Variants in MED13L observed in about 807,000 individuals in gnomAD.
MED13L encodes the protein mediator of RNA polymerase II transcription subunit 13-like.
Under a neutral mutation model 220.9 loss-of-function variants are expected in MED13L, and 7 were observed. That is an observed-to-expected ratio of 0.03 (90% confidence interval 0.02 to 0.06). The LOEUF is 0.06. MED13L is among the 10% of genes least tolerant of loss of function. The pLI is 1.00. For missense variants in MED13L, 1,965 were observed against 2,760.5 expected (o/e 0.71, Z 6.46); for synonymous variants, 1,011 against 1,015.2 (o/e 1.00, Z 0.08).
intron 4 of MED13L, among the ~76,000 whole-genome samples, chr12:116,088,110 G>A (rs981857797): frequency 1.3e-5 from 2 of 152,046 alleles, no homozygotes; most frequent in East Asian, 3.9e-4. Context: ...GGAGGAAATG[G>A]CACTGAATCA....
intron 1 of MED13L, among the ~76,000 whole-genome samples, chr12:116,265,489 GTTTCT>G (rs1872766421): frequency 6.6e-6 from 1 of 152,012 alleles, no homozygotes; most frequent in Non-Finnish European, 1.5e-5. Flanking sequence ...TCTCATAATA[GTTTCT>G]ATATCGTCTT....
chr12:116,133,014 T>C lies in MED13L; in HGVS notation c.311-21502A>G, dbSNP rs1226664648. 2.0e-5 allele frequency among the ~76,000 whole-genome samples: 3 copies of C among 152,200 alleles called. No homozygotes were observed. In the East Asian group the frequency reaches 5.8e-4, roughly 29 times the overall value. On this transcript the variant is annotated intron_variant, in intron 2 of 30. Transcript: ENST00000281928. Reference sequence around the variant, plus strand: ...GTATCACTTGCTGCACAGTTGCAATTCCCTTGTTAGGAAAAAATAAAACTA... The same window carrying C: ...GTATCACTTGCTGCACAGTTGCAATCCCCTTGTTAGGAAAAAATAAAACTA...
At chr12:115,993,929 C>T (rs566093158) in intron 16 of MED13L, among the ~76,000 whole-genome samples, 1 of 152,258 alleles carries the variant, frequency 6.6e-6, no homozygotes, top group East Asian at 1.9e-4. Context: ...AGGGGTATTG[C>T]ATGTGACAAA....
In MED13L at chr12:116,012,808, A is replaced by G. The variant is rs1483743644; in HGVS notation, c.1269T>C (p.Cys423=). The G allele has an allele frequency of 6.2e-7, 1 of 1,612,312 alleles. No homozygotes were observed. Among genetic ancestry groups the G allele is most frequent in the South Asian group, 1.1e-5 (1 of 91,052 alleles). The part of the protein sequence containing the change: ...DFVDPTQRVS[C]SCSRHKLLKR... ...TTTTTATTACCTACCTGGAACAAGAACAGCTGACTCTTTGGGTTGGATCCA... is the reference window on the plus strand; with the variant it reads ...TTTTTATTACCTACCTGGAACAAGAGCAGCTGACTCTTTGGGTTGGATCCA... Residue 423 remains cysteine, a synonymous_variant, in exon 9 of 31, where the codon TGT becomes TGC. Transcript: ENST00000281928.
In MED13L at chr12:115,991,368, C is replaced by T. The variant is rs756687081; in HGVS notation, c.3586G>A (p.Ala1196Thr). The T allele has an allele frequency of 7.4e-6, 12 of 1,613,882 alleles. No individual in the cohort carries two copies. The highest frequency in any genetic ancestry group is 1.0e-5 in the Non-Finnish European group (12 of 1,180,028). ...IFGKNSDIGQAAERRLMMCQS... is the reference protein window; with the variant it reads ...IFGKNSDIGQTAERRLMMCQS... ...CACATCATTAAGCGCCTCTCTGCAG[C>T]CTGACCAATATCAGAATTCTTCCCA... is the stretch of plus-strand genomic sequence containing the variant. The change falls in exon 17 of 31, where the codon GCT becomes ACT. Residue 1196 changes from alanine to threonine, a missense_variant. By Grantham distance (58) the Ala-to-Thr change is moderately conservative. This residue lies in a region of MED13L where 165 missense variants were observed against 190.8 expected (regional missense o/e 0.86). Transcript: ENST00000281928. This position sits in a 1 kb window ranked among gnomAD's most constrained non-coding sequence, Gnocchi z 7.7.
chr12:115,985,405 C>T (rs902930284), intron 19 of MED13L, among the ~76,000 whole-genome samples: 3 of 152,148 alleles, frequency 2.0e-5, no homozygotes, highest in Non-Finnish European at 2.9e-5. Context: ...TTTACTATTC[C>T]GTGCCTACTC....
At position 115,960,367 on chromosome 12, in the gene MED13L, C is replaced by T. The variant is rs572346526; in HGVS notation, c.*899G>A. The T allele has an allele frequency of 4.6e-4, 71 of 152,740 alleles. No individual in the cohort carries two copies. Among genetic ancestry groups the T allele is most frequent in the African/African-American group, 1.6e-3 (67 of 41,578 alleles). 9.5% of individuals were successfully genotyped at this position (152,740 alleles called of 1,614,324 possible). ...CTTGCCTCCATGGCTCTGAGTTGAG[C>T]TTGACTGCCTTCTGTATAAAAATGT... On this transcript the variant is annotated 3_prime_UTR_variant, in exon 31 of 31. Coordinates refer to ENST00000281928, the MANE Select transcript of MED13L (RefSeq NM_015335.5).
intron 4 of MED13L, among the ~76,000 whole-genome samples, chr12:116,071,463 G>A (rs959727471): frequency 2.0e-5 from 3 of 152,080 alleles, no homozygotes; most frequent in African/African-American, 7.2e-5. Flanking sequence ...TTTCACTCTT[G>A]TTGCCCAGGC....
chr12:116,124,123 C>CGAGAGAGAGAGAGAGA lies in MED13L; in HGVS notation c.311-12627_311-12612dup, dbSNP rs58366115. On this transcript the variant is annotated intron_variant, in intron 2 of 30. Coordinates refer to ENST00000281928, the MANE Select transcript of MED13L (RefSeq NM_015335.5). ...ACATCTGCAGAGAGAGAGAGAAAGA[C>CGAGAGAGAGAGAGAGA]GAGAGAGAGAGAGAGAGAGAGAGAG... 8.1e-3 allele frequency among the ~76,000 whole-genome samples: 1,077 copies of CGAGAGAGAGAGAGAGA among 133,134 alleles called. 12 individuals are homozygous for CGAGAGAGAGAGAGAGA. Among genetic ancestry groups the CGAGAGAGAGAGAGAGA allele is most frequent in the African/African-American group, 0.014 (514 of 37,234 alleles). The allele number at this position is 133,134 out of a possible 152,430, so 87.3% of individuals were successfully genotyped here.
chr12:116,252,545 A>G (rs1200187165), intron 1 of MED13L, among the ~76,000 whole-genome samples: 1 of 152,096 alleles, frequency 6.6e-6, no homozygotes, highest in Non-Finnish European at 1.5e-5. Flanking sequence ...TCTCAAAATA[A>G]TAATAAAAGG....
intron 3 of MED13L, among the ~76,000 whole-genome samples, chr12:116,107,436 T>C (rs1288150111): frequency 6.6e-6 from 1 of 152,230 alleles, no homozygotes; most frequent in Non-Finnish European, 1.5e-5. Flanking sequence ...AATATAAGAT[T>C]ACCTCAGCAC....
At chr12:116,146,108 ATT>A (rs1049529964) in intron 2 of MED13L, among the ~76,000 whole-genome samples, 3 of 151,960 alleles carry the variant, frequency 2.0e-5, no homozygotes, top group African/African-American at 7.2e-5. Context: ...ATTATGAGCT[ATT>A]TTGAGATTTT....
In MED13L at chr12:116,223,639, G is replaced by A. The variant is rs1413344513; in HGVS notation, c.310+13829C>T. ...GAATCACCTGAACCCGGGAGGTGGA[G>A]GTTGCGGTGAGCAGAGATCACACCA... On this transcript the variant is annotated intron_variant, in intron 2 of 30. Transcript: ENST00000281928. Among the ~76,000 whole-genome samples, 3 of 152,172 alleles carry A rather than the reference G, an allele frequency of 2.0e-5. No homozygotes were observed. The East Asian group carries it at 5.8e-4, about 29-fold the overall frequency.
intron 2 of MED13L, among the ~76,000 whole-genome samples, chr12:116,137,207 G>A (rs115517307): frequency 6.4e-4 from 97 of 152,130 alleles, no homozygotes; most frequent in African/African-American, 2.3e-3. Flanking sequence ...CATCCTTCTT[G>A]TCACTAAGAT....
chr12:116,157,682 T>TTGTTTCTC (rs1878552348), intron 2 of MED13L, among the ~76,000 whole-genome samples: 1 of 152,236 alleles, frequency 6.6e-6, no homozygotes, highest in East Asian at 1.9e-4. Flanking sequence ...CAAAGGTGAA[T>TTGTTTCTC]ACACCAGCAT....
At chr12:116,186,678 G>C (rs1330445407) in intron 2 of MED13L, among the ~76,000 whole-genome samples, 2 of 152,152 alleles carry the variant, frequency 1.3e-5, no homozygotes, top group Non-Finnish European at 2.9e-5. Flanking sequence ...CAAGCTTTGT[G>C]ATACTTGGTT....
At chr12:116,082,655 T>G (rs1304483101) in intron 4 of MED13L, 1 of 151,864 alleles carries the variant, frequency 6.6e-6, no homozygotes, top group East Asian at 1.9e-4. Flanking sequence ...ACATGCAAAT[T>G]CATGAAGCAA....
At chr12:116,153,178 T>G (rs964361066) in intron 2 of MED13L, among the ~76,000 whole-genome samples, 17 of 152,198 alleles carry the variant, frequency 1.1e-4, no homozygotes, top group Non-Finnish European at 2.2e-4. Context: ...CTATTATTAC[T>G]ATCCACATTA....
intron 2 of MED13L, among the ~76,000 whole-genome samples, chr12:116,121,378 G>C (rs1009132143): frequency 1.3e-5 from 2 of 152,064 alleles, no homozygotes; most frequent in Non-Finnish European, 2.9e-5. Flanking sequence ...AAAAGGTTCA[G>C]GGAGAAAAAA....
Sources: allele counts gnomAD v4.1 joint callset (sites outside exome capture counted in the v4.1 genomes callset), GRCh38; gene constraint gnomAD v4.1.1; regional missense constraint gnomAD v4.1.1; non-coding constraint Gnocchi (gnomAD v3.1); transcripts MANE v1.5; gene names NCBI Gene and HGNC (gene_info 2026-07-23, HGNC 2026-07-21).